The following EPB41L5 variants were observed in gnomAD, a reference collection of about 807,000 sequenced individuals.
The protein encoded by EPB41L5 is erythrocyte membrane protein band 4.1 like 5, also known as band 4.1-like protein 5.
EPB41L5 carries 55 observed loss-of-function variants against 106.6 expected under a neutral mutation model. That is an observed-to-expected ratio of 0.52 (90% CI 0.42 to 0.65). The LOEUF is 0.65. EPB41L5 is among the 30% of genes least tolerant of loss of function. EPB41L5 has a pLI of 0.00. For missense variants in EPB41L5, 871 were observed against 882.1 expected (o/e 0.99, Z 0.16); for synonymous variants, 297 against 306.7 (o/e 0.97, Z 0.33).
chr2:120,161,606 G>C (rs1479139561), intron 21 of EPB41L5, among the ~76,000 whole-genome samples: 1 of 152,168 alleles, frequency 6.6e-6, no homozygotes, highest in Non-Finnish European at 1.5e-5. Context: ...AAGAATTAAG[G>C]GATCTTTTTG....
At chr2:120,095,125 G>A (rs558132690) in intron 14 of EPB41L5, among the ~76,000 whole-genome samples, 23 of 152,222 alleles carry the variant, frequency 1.5e-4, no homozygotes, top group Admixed American at 2.6e-4. Flanking sequence ...TGAGAGTGGA[G>A]TATTGTAGTC....
At chr2:120,083,734 T>TG (rs982442105) in intron 10 of EPB41L5, among the ~76,000 whole-genome samples, 25 of 152,340 alleles carry the variant, frequency 1.6e-4, no homozygotes, top group African/African-American at 6.0e-4. Flanking sequence ...TGTGGGAGTC[T>TG]GAGTCTCTTT....
At chr2:120,139,715 T>C (rs1686087761) in intron 18 of EPB41L5, among the ~76,000 whole-genome samples, 1 of 152,024 alleles carries the variant, frequency 6.6e-6, no homozygotes, top group African/African-American at 2.4e-5. Flanking sequence ...AAGGAACCCT[T>C]GTACACTGTT....
chr2:120,112,412 G>A (rs1684765053), intron 16 of EPB41L5, among the ~76,000 whole-genome samples: 1 of 152,168 alleles, frequency 6.6e-6, no homozygotes, highest in Non-Finnish European at 1.5e-5. Flanking sequence ...TACCAAGCAT[G>A]TCTTGGCACA....
chr2:120,018,054 C>T (rs1398770157), intron 1 of EPB41L5, among the ~76,000 whole-genome samples: 2 of 151,926 alleles, frequency 1.3e-5, no homozygotes, highest in Non-Finnish European at 2.9e-5. Flanking sequence ...CTCCACCTCC[C>T]GGGTTCATGC....
intron 10 of EPB41L5, among the ~76,000 whole-genome samples, chr2:120,084,816 G>T (rs1347725255): frequency 6.6e-6 from 1 of 152,150 alleles, no homozygotes. Flanking sequence ...TGGAGGCTTT[G>T]TTCGTTCCTT....
chr2:120,139,500 A>G (rs1264316996), intron 18 of EPB41L5, among the ~76,000 whole-genome samples: 2 of 152,062 alleles, frequency 1.3e-5, no homozygotes, highest in Non-Finnish European at 2.9e-5. Context: ...TGATAATCTG[A>G]TTTTAAAATG....
At chr2:120,117,639 C>G (rs1041808610) in intron 16 of EPB41L5, among the ~76,000 whole-genome samples, 1 of 151,918 alleles carries the variant, frequency 6.6e-6, no homozygotes, top group Non-Finnish European at 1.5e-5. Flanking sequence ...TGTTTTTTTC[C>G]TTAGAGCTTT....
intron 17 of EPB41L5, among the ~76,000 whole-genome samples, chr2:120,129,118 A>AC (rs1685587717): frequency 1.3e-5 from 2 of 152,128 alleles, no homozygotes; most frequent in Non-Finnish European, 2.9e-5. Flanking sequence ...AGAAGCCCAA[A>AC]CCATGGTACC....
In EPB41L5 at chr2:120,079,946, A is replaced by G. The variant is rs562588788; in HGVS notation, c.803+1365A>G. 2.6e-5 allele frequency among the ~76,000 whole-genome samples: 4 copies of G among 152,222 alleles called. No individual in the cohort carries two copies. The East Asian group carries it at 7.7e-4, about 29-fold the overall frequency. On this transcript the variant is annotated intron_variant, in intron 10 of 24. Coordinates refer to ENST00000263713, the MANE Select transcript of EPB41L5 (RefSeq NM_020909.4). ...TTCTTTGTCCTCCCTGCCCCCGCTA[A>G]CTGCCTAAGTAAAGAAAGTAACTGC...
chr2:120,117,539 GCTTCTAC>G (rs1160617878), intron 16 of EPB41L5, among the ~76,000 whole-genome samples: 4 of 152,136 alleles, frequency 2.6e-5, no homozygotes, highest in African/African-American at 9.7e-5. Flanking sequence ...GTATGAGAGT[GCTTCTAC>G]CTCTCATAGC....
intron 3 of EPB41L5, among the ~76,000 whole-genome samples, chr2:120,048,799 A>AG (rs1489594408): frequency 6.6e-6 from 1 of 152,000 alleles, no homozygotes; most frequent in African/African-American, 2.4e-5. Flanking sequence ...AGTGCTATAA[A>AG]TTTTCCTCTA....
At position 120,023,805 on chromosome 2, in the gene EPB41L5, T is replaced by C. The variant is rs141417761; in HGVS notation, c.180+4541T>C. On this transcript the variant is annotated intron_variant, in intron 2 of 24. Coordinates refer to ENST00000263713, the MANE Select transcript of EPB41L5 (RefSeq NM_020909.4). ...CCATTTTCATGATATTGATTCTTCC[T>C]ACCCATGAGCATGGAATGTTTTCCA... Among the ~76,000 whole-genome samples, 1,061 of 152,350 alleles carry C rather than the reference T, an allele frequency of 7.0e-3. 9 individuals carry two copies. The highest frequency in any genetic ancestry group is 0.024 in the African/African-American group (1,009 of 41,580).
At chr2:120,038,225 T>C (rs72840488) in intron 2 of EPB41L5, among the ~76,000 whole-genome samples, 1 of 152,134 alleles carries the variant, frequency 6.6e-6, no homozygotes, top group Non-Finnish European at 1.5e-5. Flanking sequence ...ACTTACACAT[T>C]TCTCCAAAGA....
At chr2:120,173,610 T>C (rs1036185103) in intron 24 of EPB41L5, among the ~76,000 whole-genome samples, 1 of 152,258 alleles carries the variant, frequency 6.6e-6, no homozygotes, top group Non-Finnish European at 1.5e-5. Flanking sequence ...CTCTGTTTCA[T>C]TTATAAATCT....
At chr2:120,066,722 A>C (rs1445077441) in intron 3 of EPB41L5, among the ~76,000 whole-genome samples, 1 of 152,222 alleles carries the variant, frequency 6.6e-6, no homozygotes, top group South Asian at 2.1e-4. Flanking sequence ...GAGAGGCTAC[A>C]TGAAATAGTG....
chr2:120,159,471 A>G (rs927605221), intron 20 of EPB41L5, among the ~76,000 whole-genome samples: 1 of 151,900 alleles, frequency 6.6e-6, no homozygotes, highest in Non-Finnish European at 1.5e-5. Context: ...TAAAATGGCC[A>G]TATTGCCCAA....
chr2:120,147,679 T>A (rs904500051), intron 20 of EPB41L5, among the ~76,000 whole-genome samples: 4 of 142,800 alleles, frequency 2.8e-5, no homozygotes, highest in African/African-American at 1.0e-4. Flanking sequence ...CTGTTAGTAA[T>A]AACATTTTTA....
chr2:120,055,481 A>ATTTTT (rs34856540), intron 3 of EPB41L5, among the ~76,000 whole-genome samples: 32 of 85,564 alleles, frequency 3.7e-4, no homozygotes, highest in African/African-American at 5.3e-4. Flanking sequence ...TAGGTTTTTA[A>ATTTTT]TTTTTTTTTT....
Sources: allele counts gnomAD v4.1 joint callset (sites outside exome capture counted in the v4.1 genomes callset), GRCh38; gene constraint gnomAD v4.1.1; transcripts MANE v1.5; gene names NCBI Gene and HGNC (gene_info 2026-07-23, HGNC 2026-07-21).